ARMH1: variants seen among roughly 807,000 people sequenced by gnomAD.
ARMH1 encodes armadillo like helical domain containing 1, also known as armadillo-like helical domain containing protein 1.
ARMH1 carries 34 observed loss-of-function variants against 50.2 expected under a neutral mutation model. That is an observed-to-expected ratio of 0.68 (90% CI 0.51 to 0.90). ARMH1 has a LOEUF of 0.90. ARMH1 is among the 40% of genes least tolerant of loss of function. The pLI is 0.00. For missense variants in ARMH1, 538 were observed against 553.9 expected (o/e 0.97, Z 0.29); for synonymous variants, 221 against 224.2 (o/e 0.99, Z 0.13).
Position 44,724,562 on chromosome 1 carries a change from G to C in ARMH1, c.944G>C (p.Ser315Thr), listed in dbSNP as rs1420489509. 1.2e-5 allele frequency: 18 copies of C among 1,514,320 alleles called. No homozygotes were observed. The highest frequency in any genetic ancestry group is 2.4e-4 in the Middle Eastern group (1 of 4,242). 93.8% of individuals were successfully genotyped at this position (1,514,320 alleles called of 1,614,324 possible). A position where few individuals can be genotyped will look rare whatever the true frequency, so the allele number is the denominator to read the frequency against. Reference sequence around the variant, plus strand: ...AGGGTCCTGGCGCGCAACGACATGAGCATCGCCGAGGAGCTGCTGTACCTG... The same window carrying C: ...AGGGTCCTGGCGCGCAACGACATGACCATCGCCGAGGAGCTGCTGTACCTG... ...AIGVLARNDM[S>T]IAEELLYLRV... is the part of the protein sequence containing the mutation. Residue 315 changes from serine to threonine, a missense_variant, in exon 9 of 12, where the codon AGC becomes ACC. Ser to Thr is a moderately conservative substitution (Grantham distance 58, BLOSUM62 1). Coordinates refer to ENST00000535358, the MANE Select transcript of ARMH1 (RefSeq NM_001145636.2). The surrounding 1 kb of genome is among the most constrained non-coding windows in gnomAD (Gnocchi z 6.4).
intron 6 of ARMH1, among the ~76,000 whole-genome samples, chr1:44,722,991 C>T (rs1338049216): frequency 2.6e-5 from 4 of 150,944 alleles, no homozygotes; most frequent in African/African-American, 9.8e-5. Context: ...AGGAGAATTG[C>T]TTGAACCCAG....
At position 44,724,007 on chromosome 1, in the gene ARMH1, C is replaced by A; in HGVS notation, c.725-115C>A. 1 of 1,358,312 alleles carries A rather than the reference C, an allele frequency of 7.4e-7. No homozygotes were observed. Among genetic ancestry groups the A allele is most frequent in the Non-Finnish European group, 9.9e-7 (1 of 1,005,874 alleles). The allele number at this position is 1,358,312 out of a possible 1,614,324, so 84.1% of individuals were successfully genotyped here. On this transcript the variant is annotated intron_variant, in intron 6 of 11. Transcript: ENST00000535358. This position sits in a 1 kb window ranked among gnomAD's most constrained non-coding sequence, Gnocchi z 6.4. ...CAGCTCCCCCACGCCCTGCACAGTG[C>A]TGATCAGTAAAAGAGGAGGACACTG...
At chr1:44,718,516 A>AGAGTGTTTGGGG (rs1186246433) in intron 6 of ARMH1, among the ~76,000 whole-genome samples, 2 of 152,220 alleles carry the variant, frequency 1.3e-5, no homozygotes, top group Non-Finnish European at 2.9e-5. Context: ...TCCAGATCAG[A>AGAGTGTTTGGGG]GAGTGTTTGG....
intron 1 of ARMH1, 101 bp from the exon 2 acceptor site, chr1:44,689,575 T>C: frequency 2.2e-6 from 2 of 912,194 alleles, no homozygotes; most frequent in South Asian, 1.6e-5. Context: ...TCCATTTGCA[T>C]GATAAAGCCA....
At position 44,723,007 on chromosome 1, in the gene ARMH1, G is replaced by T. The variant is rs537786058; in HGVS notation, c.725-1115G>T. Among the ~76,000 whole-genome samples the T allele has an allele frequency of 1.1e-3, 171 of 151,248 alleles. 1 individual carries two copies. Among genetic ancestry groups the T allele is most frequent in the Non-Finnish European group, 6.2e-4 (42 of 67,826 alleles). ...GGAGAATTGCTTGAACCCAGGAGGC[G>T]GAGGTTGCAGTGAGCCGAGATCGCG... On this transcript the variant is annotated intron_variant, in intron 6 of 11. Coordinates refer to ENST00000535358, the MANE Select transcript of ARMH1 (RefSeq NM_001145636.2).
At position 44,725,315 on chromosome 1, in the gene ARMH1, A is replaced by G; in HGVS notation, c.1235A>G (p.Tyr412Cys). ...GCCCTGTGCCTCCATGGCAGCTCCT[A>G]CAGCATGAACACTCTCTATGGCTCG... Reference protein sequence around the residue: ...TKALCLHGSSYSMNTLYGSRD... With the variant: ...TKALCLHGSSCSMNTLYGSRD... The change falls in exon 12 of 12, where the codon TAC (tyrosine) becomes TGC (cysteine). Residue 412 changes from tyrosine (Y) to cysteine (C), a missense_variant. Transcript: ENST00000535358. 6.4e-7 allele frequency: 1 copy of G among 1,551,778 alleles called. No individual in the cohort carries two copies. The highest frequency in any genetic ancestry group is 8.7e-7 in the Non-Finnish European group (1 of 1,147,006).
chr1:44,723,074 C>CAAA (rs35266270), intron 6 of ARMH1, among the ~76,000 whole-genome samples: 1 of 130,716 alleles, frequency 7.7e-6, no homozygotes, highest in East Asian at 2.2e-4. Context: ...GGCTCTGTCT[C>CAAA]AAAAAAAAAA....
At chr1:44,700,235 C>T (rs2983712) in intron 4 of ARMH1, among the ~76,000 whole-genome samples, 102,177 of 152,158 alleles carry the variant, frequency 0.67, 36,712 homozygotes, top group East Asian at 0.98. Flanking sequence ...ATCCATAAAG[C>T]GGGAGAAACA....
In ARMH1 at chr1:44,681,957, C is replaced by T. The variant is rs1645327350; in HGVS notation, c.-23+7084C>T. On this transcript the variant is annotated intron_variant, in intron 1 of 11. Transcript: ENST00000535358. This position sits in a 1 kb window ranked among gnomAD's most constrained non-coding sequence, Gnocchi z 4.3. ...GCGCCAACAGAACCTGGGATATATCCCATCAGAGCGCTCTCCACTGTTCAT... is the reference window on the plus strand; with the variant it reads ...GCGCCAACAGAACCTGGGATATATCTCATCAGAGCGCTCTCCACTGTTCAT... 6.6e-6 allele frequency among the ~76,000 whole-genome samples: 1 copy of T among 152,100 alleles called. No individual in the cohort carries two copies. The highest frequency in any genetic ancestry group is 2.4e-5 in the African/African-American group (1 of 41,400).
intron 6 of ARMH1, among the ~76,000 whole-genome samples, chr1:44,718,812 G>T (rs1043017809): frequency 9.9e-5 from 15 of 152,114 alleles, no homozygotes; most frequent in Non-Finnish European, 1.6e-4. Flanking sequence ...ATCACCTGAA[G>T]TCGGGAGTTC....
At chr1:44,702,488 T>C (rs1646128504) in intron 5 of ARMH1, among the ~76,000 whole-genome samples, 1 of 151,338 alleles carries the variant, frequency 6.6e-6, no homozygotes, top group African/African-American at 2.4e-5. Flanking sequence ...CCGAGGTGGG[T>C]GGATCATGAG....
chr1:44,714,725 T>G (rs1245397143), intron 6 of ARMH1, among the ~76,000 whole-genome samples: 1 of 152,102 alleles, frequency 6.6e-6, no homozygotes, highest in African/African-American at 2.4e-5. Flanking sequence ...TGGAGTGCAG[T>G]GGCGCATGCA....
intron 6 of ARMH1, among the ~76,000 whole-genome samples, chr1:44,718,317 G>A (rs1244040009): frequency 6.6e-6 from 1 of 152,180 alleles, no homozygotes; most frequent in African/African-American, 2.4e-5. Flanking sequence ...TGCTGCAGGC[G>A]ACAAAGCCAA....
At position 44,720,893 on chromosome 1, in the gene ARMH1, C is replaced by T. The variant is rs575354979; in HGVS notation, c.725-3229C>T. 1.8e-4 allele frequency among the ~76,000 whole-genome samples: 27 copies of T among 152,068 alleles called. No homozygotes were observed. The South Asian group carries it at 5.2e-3, about 29-fold the overall frequency. On this transcript the variant is annotated intron_variant, in intron 6 of 11. Transcript: ENST00000535358. ...TCTACTAAAAAATACAAAAATTAGC[C>T]AGGCGTGGTGGTGCGCACCTGTAAT...
intron 2 of ARMH1, among the ~76,000 whole-genome samples, chr1:44,691,781 A>G (rs1447401776): frequency 6.6e-6 from 1 of 152,218 alleles, no homozygotes; most frequent in African/African-American, 2.4e-5. Flanking sequence ...ATGCCACAAG[A>G]TGAGTGTCAC....
Position 44,674,744 on chromosome 1 carries a change from A to C in ARMH1, c.-152A>C, listed in dbSNP as rs1645074044. The C allele has an allele frequency of 3.8e-6, 1 of 261,134 alleles. No homozygotes were observed. 16.2% of individuals were successfully genotyped at this position (261,134 alleles called of 1,614,324 possible). ...TGAGAGGCGGCTGAAGAGTTGCTGT[A>C]TTCTGGGAATGGGCAGGGTCACTCG... On this transcript the variant is annotated 5_prime_UTR_variant, in exon 1 of 12. Transcript: ENST00000535358.
intron 6 of ARMH1, among the ~76,000 whole-genome samples, chr1:44,710,608 CAAAAAAAAAA>C (rs56731047): frequency 2.2e-5 from 2 of 92,900 alleles, no homozygotes; most frequent in Admixed American, 1.2e-4. Flanking sequence ...GACTCCGTCT[CAAAAAAAAAA>C]AAAAAAAAAA....
At chr1:44,721,512 T>C (rs183661002) in intron 6 of ARMH1, among the ~76,000 whole-genome samples, 3 of 149,678 alleles carry the variant, frequency 2.0e-5, no homozygotes, top group Non-Finnish European at 4.5e-5. Context: ...AGGTTTTCTT[T>C]TAAAAAAAAA....
At chr1:44,677,645 G>A (rs1645180587) in intron 1 of ARMH1, among the ~76,000 whole-genome samples, 1 of 152,184 alleles carries the variant, frequency 6.6e-6, no homozygotes, top group South Asian at 2.1e-4. Flanking sequence ...TGACCAAAGT[G>A]GAGTACAGGA....
Sources: gnomAD v4.1 joint callset for allele counts (sites outside exome capture counted in the v4.1 genomes callset) on GRCh38, gnomAD v4.1.1 for gene constraint, Gnocchi (gnomAD v3.1) non-coding constraint, MANE v1.5 for transcripts, NCBI Gene and HGNC (gene_info 2026-07-23, HGNC 2026-07-21) for gene names.